SH3PXD2B: variants seen among roughly 807,000 people sequenced by gnomAD.
The protein encoded by SH3PXD2B is SH3 and PX domain-containing protein 2B.
A neutral mutation model predicts 73.1 loss-of-function variants in SH3PXD2B; 37 were observed. The ratio of observed to expected loss-of-function variants is 0.51; its 90% CI spans 0.39 to 0.67. The LOEUF (loss-of-function observed/expected upper bound fraction) is 0.67, where lower values mean the gene tolerates loss of function less well. Among genes scored for constraint, SH3PXD2B ranks in the 30% least tolerant of loss-of-function variants. The pLI is 0.00. For synonymous variants in SH3PXD2B, 457 were observed against 480.5 expected (o/e 0.95, Z 0.64); for missense variants, 1,053 against 1,197.8 (o/e 0.88, Z 1.78).
At chr5:172,393,947 G>A (rs114912539) in intron 4 of SH3PXD2B, among the ~76,000 whole-genome samples, 2,912 of 125,778 alleles carry the variant, frequency 0.023, 87 homozygotes, top group African/African-American at 0.082. Context: ...AGGCTTAAGA[G>A]GATTTTTTTT....
Position 172,339,450 on chromosome 5 carries a change from G to C in SH3PXD2B, c.1655C>G (p.Pro552Arg). 1 of 1,613,994 alleles carries C rather than the reference G, an allele frequency of 6.2e-7. No homozygotes were observed. Among genetic ancestry groups the C allele is most frequent in the South Asian group, 1.1e-5 (1 of 91,086 alleles). The change falls in exon 13 of 13, where the codon CCC (proline) becomes CGC (arginine). Residue 552 changes from proline (P) to arginine (R), a missense_variant. By Grantham distance (103) the Pro-to-Arg change is moderately radical (BLOSUM62 -2). Transcript: ENST00000311601. This position sits in a 1 kb window ranked among gnomAD's most constrained non-coding sequence, Gnocchi z 6.1. ...AATCACGCCCGGAGGCTTGGGAGTG[G>C]GGCCCCGGAGCTGCTCCGTCCTCTG... is the stretch of plus-strand genomic sequence containing the variant. ...ERQRTEQLRG[P>R]TPKPPGVILP...
intron 12 of SH3PXD2B, among the ~76,000 whole-genome samples, chr5:172,342,347 C>T (rs1255742307): frequency 6.6e-6 from 1 of 152,178 alleles, no homozygotes; most frequent in African/African-American, 2.4e-5. Flanking sequence ...TTTACGCATG[C>T]AGAACGGAGC....
rs1231718010 is a variant in SH3PXD2B at position 172,333,951 on chromosome 5, G to A, written c.*4418C>T. On this transcript the variant is annotated 3_prime_UTR_variant, in exon 13 of 13. Coordinates refer to ENST00000311601, the MANE Select transcript of SH3PXD2B (RefSeq NM_001017995.3). The stretch of plus-strand genomic sequence containing the variant: ...GGGGTAAAATGTGGACACCATCGTT[G>A]CATTAGAATTGCTTATTGCTGATGT... 2.4e-6 allele frequency: 3 copies of A among 1,234,112 alleles called. No individual in the cohort carries two copies. The highest frequency in any genetic ancestry group is 3.1e-6 in the Non-Finnish European group (3 of 968,660). The allele number at this position is 1,234,112 out of a possible 1,614,324, so 76.4% of individuals were successfully genotyped here.
At position 172,338,762 on chromosome 5, in the gene SH3PXD2B, T is replaced by C; in HGVS notation, c.2343A>G (p.Pro781=). 6.2e-7 allele frequency: 1 copy of C among 1,614,232 alleles called. No homozygotes were observed. The highest frequency in any genetic ancestry group is 8.5e-7 in the Non-Finnish European group (1 of 1,180,046). ...SSRPLPEVRG[P]QCEGHESRAA... ...CCCTGCTTTCGTGGCCTTCACACTG[T>C]GGACCTCTGACCTCTGGGAGCGGCC... The change falls in exon 13 of 13, where the codon CCA becomes CCG. Residue 781 remains proline (P), a synonymous_variant. Transcript: ENST00000311601. The surrounding 1 kb of genome is among the most constrained non-coding windows in gnomAD (Gnocchi z 5.1).
intron 6 of SH3PXD2B, among the ~76,000 whole-genome samples, chr5:172,370,863 GC>G (rs1757688013): frequency 6.6e-6 from 1 of 152,210 alleles, no homozygotes. Flanking sequence ...GCGTGATATT[GC>G]AGCCAAGCTC....
At chr5:172,448,431 A>C (rs1759723591) in intron 1 of SH3PXD2B, among the ~76,000 whole-genome samples, 1 of 152,026 alleles carries the variant, frequency 6.6e-6, no homozygotes, top group Non-Finnish European at 1.5e-5. Flanking sequence ...GCTCACTGCA[A>C]CCTCCACCTC....
intron 3 of SH3PXD2B, among the ~76,000 whole-genome samples, chr5:172,403,205 G>A (rs758330452): frequency 6.6e-6 from 1 of 152,240 alleles, no homozygotes; most frequent in Non-Finnish European, 1.5e-5. Context: ...GTGGAGGAAG[G>A]CCAGACTGTA....
intron 12 of SH3PXD2B, among the ~76,000 whole-genome samples, chr5:172,325,936 T>C (rs1023419742): frequency 6.6e-6 from 1 of 152,194 alleles, no homozygotes; most frequent in Admixed American, 6.5e-5. Flanking sequence ...TACAGGCATA[T>C]GCCGCCAGAC....
chr5:172,454,204 T>C (rs1370873539), intron 1 of SH3PXD2B, 74 bp downstream of exon 1: 22 of 1,346,982 alleles, frequency 1.6e-5, no homozygotes, highest in Non-Finnish European at 2.0e-5. Flanking sequence ...GCAGAAGTTT[T>C]CCAAGCCGGG....
chr5:172,434,789 T>G (rs998342511), intron 1 of SH3PXD2B, among the ~76,000 whole-genome samples: 3 of 150,614 alleles, frequency 2.0e-5, no homozygotes, highest in Non-Finnish European at 2.9e-5. Flanking sequence ...ATGGTTTTTT[T>G]TTTTTTTTTT....
At chr5:172,375,978 G>A (rs889214263) in intron 5 of SH3PXD2B, among the ~76,000 whole-genome samples, 4 of 151,522 alleles carry the variant, frequency 2.6e-5, no homozygotes, top group African/African-American at 9.7e-5. Context: ...CACCAGCAAC[G>A]TATGAAGGTT....
At chr5:172,447,203 A>G (rs1174631067) in intron 1 of SH3PXD2B, among the ~76,000 whole-genome samples, 3 of 150,024 alleles carry the variant, frequency 2.0e-5, no homozygotes, top group African/African-American at 4.9e-5. Flanking sequence ...AGACAAGCAG[A>G]AAAAAAAAAG....
intron 1 of SH3PXD2B, among the ~76,000 whole-genome samples, chr5:172,427,181 G>A (rs905409829): frequency 1.3e-5 from 2 of 152,152 alleles, no homozygotes; most frequent in African/African-American, 2.4e-5. Flanking sequence ...AGAAAATTCC[G>A]ACACATGCTA....
At chr5:172,381,431 T>G (rs1053225645) in intron 5 of SH3PXD2B, among the ~76,000 whole-genome samples, 34 of 152,146 alleles carry the variant, frequency 2.2e-4, no homozygotes, top group African/African-American at 8.0e-4. Context: ...GGTGCGTAAG[T>G]GCGGGTAAGC....
In SH3PXD2B at chr5:172,339,724, T is replaced by A; in HGVS notation, c.1381A>T (p.Ser461Cys). 6.2e-7 allele frequency: 1 copy of A among 1,614,140 alleles called. No homozygotes were observed. The highest frequency in any genetic ancestry group is 1.3e-5 in the African/African-American group (1 of 75,082). Residue 461 changes from serine to cysteine, a missense_variant, in exon 13 of 13, where the codon AGC becomes TGC. By Grantham distance (112) the Ser-to-Cys change is moderately radical (BLOSUM62 -1). Transcript: ENST00000311601. This position sits in a 1 kb window ranked among gnomAD's most constrained non-coding sequence, Gnocchi z 6.1. Reference sequence around the variant, plus strand: ...GGCCGGGAGGGGCCCGTGGCTTCGCTGCCCGTGTTGTTCTCCAGCGCTGCT... The same window carrying A: ...GGCCGGGAGGGGCCCGTGGCTTCGCAGCCCGTGTTGTTCTCCAGCGCTGCT... ...EAAALENNTG[S>C]EATGPSRPLP...
chr5:172,404,660 G>A (rs985981784), intron 3 of SH3PXD2B, among the ~76,000 whole-genome samples: 1 of 152,150 alleles, frequency 6.6e-6, no homozygotes, highest in Non-Finnish European at 1.5e-5. Flanking sequence ...TCAGATTGCT[G>A]ATTTTCAGTA....
At chr5:172,341,367 T>A (rs559584092) in intron 12 of SH3PXD2B, among the ~76,000 whole-genome samples, 3 of 152,240 alleles carry the variant, frequency 2.0e-5, no homozygotes, top group Non-Finnish European at 2.9e-5. Context: ...GGTGTTTGGG[T>A]CACGGGGGCA....
chr5:172,415,454 A>T (rs1433980681), intron 2 of SH3PXD2B, among the ~76,000 whole-genome samples: 1 of 152,146 alleles, frequency 6.6e-6, no homozygotes, highest in African/African-American at 2.4e-5. Flanking sequence ...GGAGGTTAGG[A>T]GTGCAAGTTT....
At chr5:172,362,666 T>A in intron 7 of SH3PXD2B, 69 bp downstream of exon 7, 1 of 1,612,130 alleles carries the variant, frequency 6.2e-7, no homozygotes, top group East Asian at 2.2e-5. Context: ...TTTCTGAGTT[T>A]CCAAATGTTT....
Sources: gnomAD v4.1 joint callset for allele counts (sites outside exome capture counted in the v4.1 genomes callset) on GRCh38, gnomAD v4.1.1 for gene constraint, Gnocchi (gnomAD v3.1) non-coding constraint, MANE v1.5 for transcripts, NCBI Gene and HGNC (gene_info 2026-07-23, HGNC 2026-07-21) for gene names.